The following CDYL variants were observed in gnomAD, a reference collection of about 807,000 sequenced individuals.
The protein encoded by CDYL is chromodomain Y-like protein.
CDYL carries 8 observed loss-of-function variants against 47.3 expected under a neutral mutation model. The ratio of observed to expected loss-of-function variants is 0.17; its 90% CI spans 0.10 to 0.31. The LOEUF is 0.31. CDYL is among the 10% of genes least tolerant of loss of function. The probability of loss-of-function intolerance (pLI) is 1.00; values close to 1 mark genes in which losing one functional copy is unlikely to be tolerated. For synonymous variants in CDYL, 266 were observed against 265.0 expected (o/e 1.00, Z -0.04); for missense variants, 471 against 701.4 (o/e 0.67, Z 3.71).
At chr6:4,733,002 T>C (rs1426786246) in intron 2 of CDYL, among the ~76,000 whole-genome samples, 1 of 152,152 alleles carries the variant, frequency 6.6e-6, no homozygotes, top group Non-Finnish European at 1.5e-5. Context: ...GCATTCTGCT[T>C]CAGCCACCTA....
At chr6:4,709,728 T>C (rs1406588341) in intron 1 of CDYL, among the ~76,000 whole-genome samples, 1 of 152,194 alleles carries the variant, frequency 6.6e-6, no homozygotes, top group Non-Finnish European at 1.5e-5. Context: ...ATTCTTCTCA[T>C]ATTGTGGTTA....
At chr6:4,852,314 TCTTCCTTC>T (rs567284610) in intron 1 of CDYL, among the ~76,000 whole-genome samples, 5 of 151,242 alleles carry the variant, frequency 3.3e-5, no homozygotes, top group African/African-American at 1.2e-4. Context: ...GCAGGGCCAG[TCTTCCTTC>T]CTTCCTTCCT....
chr6:4,892,530 T>C (rs1017959490), intron 2 of CDYL, 151 bp downstream of exon 2: 1 of 788,824 alleles, frequency 1.3e-6, no homozygotes, highest in Non-Finnish European at 1.9e-6. Flanking sequence ...CTTTCTTCGC[T>C]GGAAGCCTTT....
At chr6:4,776,279 T>TGCCCCGCCCCGCCGCC (rs1226604626), upstream of CDYL, among the ~76,000 whole-genome samples, 3 of 142,394 alleles carry the variant, frequency 2.1e-5, no homozygotes, top group African/African-American at 5.1e-5. Context: ...TCCCCTCGGC[T>TGCCCCGCCCCGCCGCC]GCCCCGCCCC....
chr6:4,952,914 T>A (rs2127530768), intron 6 of CDYL, among the ~76,000 whole-genome samples: 1 of 152,056 alleles, frequency 6.6e-6, no homozygotes, highest in East Asian at 2.0e-4. Flanking sequence ...ACTACAGGCA[T>A]GCGCCACCAT....
chr6:4,778,704 G>C lies in CDYL; in HGVS notation c.24+1897G>C, dbSNP rs138503550. Among the ~76,000 whole-genome samples, 26 of 152,342 alleles carry C rather than the reference G, an allele frequency of 1.7e-4. No individual in the cohort carries two copies. The East Asian group carries it at 5.0e-3, about 29-fold the overall frequency. The stretch of plus-strand genomic sequence containing the variant: ...GAAAAAAAGGTATTATAGAAGTATA[G>C]TTCAGGTGATAAATTTAAGTATGTG... On this transcript the variant is annotated intron_variant, in intron 1 of 6. Coordinates refer to ENST00000397588, the MANE Select transcript of CDYL (RefSeq NM_004824.4).
chr6:4,855,557 C>T (rs188639825), intron 1 of CDYL, among the ~76,000 whole-genome samples: 4 of 152,128 alleles, frequency 2.6e-5, no homozygotes, highest in South Asian at 2.1e-4. Flanking sequence ...CATGCACCCA[C>T]GATTTTTCAC....
At chr6:4,820,957 C>G (rs1356627199) in intron 1 of CDYL, among the ~76,000 whole-genome samples, 1 of 152,226 alleles carries the variant, frequency 6.6e-6, no homozygotes, top group Non-Finnish European at 1.5e-5. Flanking sequence ...TGTCTTACAT[C>G]TTACTCAGTT....
intron 1 of CDYL, among the ~76,000 whole-genome samples, chr6:4,845,960 G>A (rs1760643434): frequency 6.6e-6 from 1 of 152,132 alleles, no homozygotes; most frequent in Non-Finnish European, 1.5e-5. Context: ...CTAATTGCCT[G>A]TAAAGTTCTT....
intron 1 of CDYL, among the ~76,000 whole-genome samples, chr6:4,707,211 G>C (rs1001350399): frequency 6.6e-6 from 1 of 152,220 alleles, no homozygotes; most frequent in African/African-American, 2.4e-5. Context: ...AGGCCCTGAG[G>C]CTCAAGTCAT....
intron 1 of CDYL, among the ~76,000 whole-genome samples, chr6:4,840,736 A>G (rs1184920003): frequency 6.6e-6 from 1 of 152,220 alleles, no homozygotes; most frequent in Non-Finnish European, 1.5e-5. Context: ...GCATCCTGAT[A>G]TGAAACCCAC....
At chr6:4,735,810 C>T (rs1265518561) in intron 3 of CDYL, among the ~76,000 whole-genome samples, 1 of 152,086 alleles carries the variant, frequency 6.6e-6, no homozygotes, top group Non-Finnish European at 1.5e-5. Flanking sequence ...ACGTGCACCC[C>T]CATGAAACTA....
chr6:4,804,233 T>G (rs938499698), intron 1 of CDYL, among the ~76,000 whole-genome samples: 2 of 152,164 alleles, frequency 1.3e-5, no homozygotes, highest in African/African-American at 4.8e-5. Flanking sequence ...AGCAGTGGCC[T>G]CGCCCAGTCA....
At chr6:4,732,911 G>A (rs974607198) in intron 2 of CDYL, among the ~76,000 whole-genome samples, 3 of 152,128 alleles carry the variant, frequency 2.0e-5, no homozygotes, top group African/African-American at 4.8e-5. Flanking sequence ...TCCCTGCGGC[G>A]CTGCAGAGTG....
rs1179497420 is a variant in CDYL at position 4,955,172 on chromosome 6, G to C, written c.*1116G>C. On this transcript the variant is annotated 3_prime_UTR_variant, in exon 7 of 7. Coordinates refer to ENST00000397588, the MANE Select transcript of CDYL (RefSeq NM_004824.4). ...TGAGTTCAGTATGGTGTCCAAGAGT[G>C]CCCTGTGTGGATAGACATGTGCACT... 6.6e-6 allele frequency: 1 copy of C among 152,602 alleles called. No individual in the cohort carries two copies. Among genetic ancestry groups the C allele is most frequent in the Non-Finnish European group, 1.5e-5 (1 of 68,042 alleles). 9.5% of individuals were successfully genotyped at this position (152,602 alleles called of 1,614,324 possible).
intron 2 of CDYL, among the ~76,000 whole-genome samples, chr6:4,716,440 A>C (rs928860221): frequency 2.6e-5 from 4 of 151,878 alleles, no homozygotes; most frequent in Non-Finnish European, 4.4e-5. Flanking sequence ...CTTCCATTTC[A>C]TTGCAGTGGT....
intron 1 of CDYL, among the ~76,000 whole-genome samples, chr6:4,804,333 A>G (rs1759309908): frequency 6.6e-6 from 1 of 152,236 alleles, no homozygotes; most frequent in Non-Finnish European, 1.5e-5. Context: ...GGCGCTGCCT[A>G]AGAACCTAGC....
intron 2 of CDYL, among the ~76,000 whole-genome samples, chr6:4,912,774 G>C (rs190449809): frequency 1.3e-5 from 2 of 152,184 alleles, no homozygotes; most frequent in Non-Finnish European, 2.9e-5. Flanking sequence ...ATCACATGGC[G>C]AGGGGGCAGA....
chr6:4,733,451 G>A (rs1757645485), intron 2 of CDYL, among the ~76,000 whole-genome samples: 1 of 151,698 alleles, frequency 6.6e-6, no homozygotes, highest in South Asian at 2.1e-4. Context: ...AAAGTGAGTG[G>A]TTATGTGTTT....
Sources: gnomAD v4.1 joint callset for allele counts (sites outside exome capture counted in the v4.1 genomes callset) on GRCh38, gnomAD v4.1.1 for gene constraint, MANE v1.5 for transcripts, NCBI Gene and HGNC (gene_info 2026-07-23, HGNC 2026-07-21) for gene names.